SV2C: variants seen among roughly 807,000 people sequenced by gnomAD.
SV2C encodes the protein solute carrier family 22 member B3.
SV2C carries 49 observed loss-of-function variants against 79.7 expected under a neutral mutation model. That is an observed-to-expected ratio of 0.61 (90% CI 0.49 to 0.78). The LOEUF is 0.78. Ranked by LOEUF, SV2C falls within the 30% of genes least tolerant of loss-of-function variation. The pLI, the probability that SV2C is intolerant of heterozygous loss-of-function variation, is 0.00. For synonymous variants in SV2C, 334 were observed against 333.2 expected (o/e 1.00, Z -0.03); for missense variants, 833 against 912.9 (o/e 0.91, Z 1.13).
chr5:75,852,719 G>A, the SV2C span, among the ~76,000 whole-genome samples: 1 of 151,726 alleles, frequency 6.6e-6, no homozygotes, highest in Non-Finnish European at 1.5e-5. Context: ...CCAGCTACTT[G>A]GGAGGCTGAA....
At chr5:76,264,201 C>T (rs1746569725) in intron 4 of SV2C, among the ~76,000 whole-genome samples, 1 of 151,434 alleles carries the variant, frequency 6.6e-6, no homozygotes, top group Admixed American at 6.6e-5. Context: ...TCTCTGATAC[C>T]CTTTCTTCTG....
the SV2C span, among the ~76,000 whole-genome samples, chr5:75,893,717 T>TGTGTA: frequency 6.6e-6 from 1 of 152,114 alleles, no homozygotes; most frequent in African/African-American, 2.4e-5. Context: ...ATGTAACAAA[T>TGTGTA]GTGTACATGT....
At chr5:75,954,627 T>C in the SV2C span, among the ~76,000 whole-genome samples, 3 of 149,840 alleles carry the variant, frequency 2.0e-5, no homozygotes, top group Non-Finnish European at 2.9e-5. Flanking sequence ...GATGACATGA[T>C]TGTATATCTA....
At chr5:76,020,469 T>C in the SV2C span, among the ~76,000 whole-genome samples, 2 of 152,174 alleles carry the variant, frequency 1.3e-5, no homozygotes, top group Non-Finnish European at 2.9e-5. Context: ...CCTGACTTTT[T>C]AGTTCATAGG....
chr5:75,974,878 T>G, the SV2C span, among the ~76,000 whole-genome samples: 1 of 152,156 alleles, frequency 6.6e-6, no homozygotes, highest in African/African-American at 2.4e-5. Context: ...TATGCTATGA[T>G]TATTGCCATT....
chr5:76,167,105 T>C (rs1743069079), intron 2 of SV2C, among the ~76,000 whole-genome samples: 1 of 152,234 alleles, frequency 6.6e-6, no homozygotes, highest in African/African-American at 2.4e-5. Flanking sequence ...TTTCATATTC[T>C]GTCATGCTAC....
the SV2C span, among the ~76,000 whole-genome samples, chr5:75,934,477 G>A: frequency 7.2e-5 from 11 of 151,726 alleles, no homozygotes; most frequent in South Asian, 1.0e-3. Context: ...TAGTAGAGAC[G>A]GGGTTTCACT....
At chr5:75,912,955 C>T in the SV2C span, among the ~76,000 whole-genome samples, 2 of 152,100 alleles carry the variant, frequency 1.3e-5, no homozygotes, top group Non-Finnish European at 2.9e-5. Context: ...CTTTGTTTTC[C>T]CAAATGGCAG....
At chr5:76,193,040 G>C (rs577389626) in intron 2 of SV2C, among the ~76,000 whole-genome samples, 1 of 152,040 alleles carries the variant, frequency 6.6e-6, no homozygotes, top group African/African-American at 2.4e-5. Flanking sequence ...ACTGCTGTTC[G>C]GGTGCACACC....
intron 1 of SV2C, among the ~76,000 whole-genome samples, chr5:76,100,354 T>TA (rs1263292242): frequency 6.6e-6 from 1 of 152,112 alleles, no homozygotes; most frequent in Non-Finnish European, 1.5e-5. Flanking sequence ...TTATTGCCCT[T>TA]AAAGAGCACT....
intron 12 of SV2C, among the ~76,000 whole-genome samples, chr5:76,314,566 G>A (rs1422059612): frequency 3.9e-5 from 6 of 152,188 alleles, no homozygotes; most frequent in African/African-American, 1.2e-4. Context: ...CCTCATCTGT[G>A]TGGTGGAGGG....
chr5:75,917,224 T>A, the SV2C span, among the ~76,000 whole-genome samples: 2 of 152,204 alleles, frequency 1.3e-5, no homozygotes, highest in African/African-American at 4.8e-5. Context: ...TAGCAGACTC[T>A]TTTTTAACCA....
the SV2C span, among the ~76,000 whole-genome samples, chr5:76,002,219 C>T: frequency 1.4e-4 from 22 of 151,748 alleles, no homozygotes; most frequent in Non-Finnish European, 2.4e-4. Flanking sequence ...CGTTGGTTGA[C>T]GGGCATTTAG....
chr5:75,934,201 C>T, the SV2C span, among the ~76,000 whole-genome samples: 1 of 152,014 alleles, frequency 6.6e-6, no homozygotes, highest in South Asian at 2.1e-4. Flanking sequence ...CTTAATTCTT[C>T]ACTGCATTAG....
intron 2 of SV2C, among the ~76,000 whole-genome samples, chr5:76,158,232 A>G (rs1362473030): frequency 1.3e-5 from 2 of 151,940 alleles, no homozygotes; most frequent in East Asian, 3.8e-4. Context: ...CAGTCCAATC[A>G]AAAGGCAGAG....
At chr5:76,026,139 A>G in the SV2C span, among the ~76,000 whole-genome samples, 5 of 151,436 alleles carry the variant, frequency 3.3e-5, no homozygotes, top group Non-Finnish European at 7.4e-5. Flanking sequence ...AAGGATTGAG[A>G]ACTACTGATC....
the SV2C span, among the ~76,000 whole-genome samples, chr5:75,851,597 A>G: frequency 2.0e-5 from 3 of 152,158 alleles, no homozygotes; most frequent in African/African-American, 7.2e-5. Flanking sequence ...AAAGTCTTTC[A>G]TAAGTGAGCA....
downstream of SV2C, among the ~76,000 whole-genome samples, chr5:76,335,652 G>A (rs1486722290): frequency 6.6e-6 from 1 of 152,028 alleles, no homozygotes; most frequent in Non-Finnish European, 1.5e-5. Flanking sequence ...TCAAGCATCT[G>A]TTTAACAAAG....
chr5:76,121,712 T>C (rs1748502897), intron 1 of SV2C, among the ~76,000 whole-genome samples: 1 of 152,068 alleles, frequency 6.6e-6, no homozygotes, highest in Admixed American at 6.5e-5. Flanking sequence ...GGCTCTGCTC[T>C]GTTCCATTGA....
Sources: gnomAD v4.1 joint callset for allele counts (sites outside exome capture counted in the v4.1 genomes callset) on GRCh38, gnomAD v4.1.1 for gene constraint, MANE v1.5 for transcripts, NCBI Gene and HGNC (gene_info 2026-07-23, HGNC 2026-07-21) for gene names.